NYX: variants seen among roughly 807,000 people sequenced by gnomAD.
NYX encodes the protein leucine-rich repeat protein.
For missense variants in NYX, 481 were observed against 485.4 expected (o/e 0.99, Z 0.09); for synonymous variants, 258 against 245.7 (o/e 1.05, Z -0.47).
intron 2 of NYX, among the ~76,000 whole-genome samples, chrX:41,468,836 T>A (rs1429799535): frequency 9.0e-6 from 1 of 111,603 alleles, no homozygotes; most frequent in Non-Finnish European, 1.9e-5. Flanking sequence ...AAAAAGGTTC[T>A]GCCTCTTTCC....
At chrX:41,470,963 G>T (rs754370760) in intron 2 of NYX, among the ~76,000 whole-genome samples, 201 of 110,983 alleles carry the variant, frequency 1.8e-3, no homozygotes, top group Non-Finnish European at 3.4e-3. Context: ...TGAGGGTGGG[G>T]CTGCTATTTC....
chrX:41,448,976 A>T (rs921863807), intron 2 of NYX, among the ~76,000 whole-genome samples: 1 of 111,965 alleles, frequency 8.9e-6, no homozygotes, highest in Non-Finnish European at 1.9e-5. Context: ...GAATTATAGG[A>T]TTATGGATAT....
chrX:41,462,111 CAT>C (rs932856582), intron 2 of NYX, among the ~76,000 whole-genome samples: 3 of 112,078 alleles, frequency 2.7e-5, no homozygotes, highest in African/African-American at 9.7e-5. Flanking sequence ...AGCATTTTTT[CAT>C]GTTTCTTGGC....
chrX:41,451,146 A>G (rs1263810986), intron 2 of NYX, among the ~76,000 whole-genome samples: 1 of 111,425 alleles, frequency 9.0e-6, no homozygotes, highest in Non-Finnish European at 1.9e-5. Context: ...AATGGCTACA[A>G]TTTAAAACAC....
chrX:41,456,918 ACT>A (rs1395402598), intron 2 of NYX, among the ~76,000 whole-genome samples: 1 of 110,808 alleles, frequency 9.0e-6, no homozygotes, highest in Non-Finnish European at 1.9e-5. Context: ...ATTGAACCCA[ACT>A]CCCCAAGATG....
intron 2 of NYX, among the ~76,000 whole-genome samples, chrX:41,448,675 C>G (rs1415199684): frequency 9.3e-6 from 1 of 107,442 alleles, no homozygotes; most frequent in African/African-American, 3.4e-5. Context: ...TCTCGTGCCT[C>G]AGCCTCCTGA....
At chrX:41,466,722 G>T (rs1471829493) in intron 2 of NYX, among the ~76,000 whole-genome samples, 2 of 103,371 alleles carry the variant, frequency 1.9e-5, no homozygotes, top group African/African-American at 7.2e-5. Context: ...ACCATGCCTG[G>T]CTAATTTTTT....
chrX:41,461,467 C>A (rs1981733524), intron 2 of NYX, among the ~76,000 whole-genome samples: 1 of 108,746 alleles, frequency 9.2e-6, no homozygotes, highest in African/African-American at 3.4e-5. Context: ...CATATTTTTG[C>A]AATTGCGAAT....
chrX:41,449,086 T>C (rs2064270008), intron 2 of NYX, among the ~76,000 whole-genome samples: 2 of 112,068 alleles, frequency 1.8e-5, no homozygotes, highest in African/African-American at 6.5e-5. Context: ...TGTTCCAATC[T>C]GACTGAGATA....
At chrX:41,452,233 A>G (rs985828955) in intron 2 of NYX, among the ~76,000 whole-genome samples, 3 of 111,674 alleles carry the variant, frequency 2.7e-5, no homozygotes, top group African/African-American at 9.8e-5. Context: ...TCGGCCTCCC[A>G]AAGTGCTGGG....
chrX:41,461,404 T>C (rs905799427), intron 2 of NYX, among the ~76,000 whole-genome samples: 7 of 104,863 alleles, frequency 6.7e-5, no homozygotes, highest in East Asian at 3.1e-4. Context: ...TATATATATA[T>C]ACACCACAGT....
chrX:41,472,504 G>A (rs2064365624), intron 2 of NYX: 8 of 650,641 alleles, frequency 1.2e-5, no homozygotes, highest in Non-Finnish European at 1.2e-5. Flanking sequence ...GGGATTCCAA[G>A]GATTCTTGAG....
Position 41,473,513 on chromosome X carries a change from C to A in NYX, c.45C>A (p.Ser15Arg), listed in dbSNP as rs1390602448. The change falls in exon 3 of 3, where the codon AGC becomes AGA. Residue 15 changes from serine (S) to arginine (R), a missense_variant. Coordinates refer to ENST00000378220, the MANE Select transcript of NYX (RefSeq NM_001378477.3). ...CAGCGGTGGTCCTCGGCCTGCCCAG[C>A]GCCTGGGCCGTGGGGGCCTGCGCCC... is the stretch of plus-strand genomic sequence containing the variant. ...LLHAVVLGLP[S>R]AWAVGACARA... The A allele has an allele frequency of 1.0e-6, 1 of 990,000 alleles. No individual in the cohort carries two copies. Among genetic ancestry groups the A allele is most frequent in the Non-Finnish European group, 1.3e-6 (1 of 785,049 alleles). 81.6% of individuals were successfully genotyped at this position (990,000 alleles called of 1,213,427 possible). A position where few individuals can be genotyped will look rare whatever the true frequency, so the allele number is the denominator to read the frequency against.
rs183131007 is a variant in NYX at position 41,465,642 on chromosome X, C to T, written c.23-7849C>T. On this transcript the variant is annotated intron_variant, in intron 2 of 2. Coordinates refer to ENST00000378220, the MANE Select transcript of NYX (RefSeq NM_001378477.3). The stretch of plus-strand genomic sequence containing the variant: ...CCTGTAGTCCCAGCTACCTGCCCCC[C>T]GAGTAGCTGGGACTACAGGTGCCTG... Among the ~76,000 whole-genome samples the T allele has an allele frequency of 6.3e-3, 655 of 104,353 alleles. 7 individuals carry two copies. Among genetic ancestry groups the T allele is most frequent in the African/African-American group, 0.022 (640 of 28,765 alleles). 90.6% of individuals were successfully genotyped at this position (104,353 alleles called of 115,157 possible). A position where few individuals can be genotyped will look rare whatever the true frequency, so the allele number is the denominator to read the frequency against.
chrX:41,462,434 TG>T (rs2064323553), intron 2 of NYX, among the ~76,000 whole-genome samples: 2 of 112,488 alleles, frequency 1.8e-5, no homozygotes, highest in African/African-American at 6.5e-5. Flanking sequence ...CAGTCCCACC[TG>T]TTCCACATGT....
chrX:41,472,412 G>A lies in NYX; in HGVS notation c.23-1079G>A, dbSNP rs1168413942. 1.5e-5 allele frequency: 17 copies of A among 1,155,288 alleles called. No individual in the cohort carries two copies. In the East Asian group the frequency reaches 4.5e-4, roughly 30 times the overall value. Reference sequence around the variant, plus strand: ...GGCCACACGCACACCCTCGTGCAATGTGAAGCTCACCTGATGACTCACCAT... The same window carrying A: ...GGCCACACGCACACCCTCGTGCAATATGAAGCTCACCTGATGACTCACCAT... On this transcript the variant is annotated intron_variant, in intron 2 of 2. Coordinates refer to ENST00000378220, the MANE Select transcript of NYX (RefSeq NM_001378477.3).
intron 2 of NYX, among the ~76,000 whole-genome samples, chrX:41,456,764 T>C (rs1375419149): frequency 9.0e-6 from 1 of 111,524 alleles, no homozygotes. Flanking sequence ...AGAAAGAGAG[T>C]TTCCGGCTTC....
chrX:41,461,487 A>G (rs1230303359), intron 2 of NYX, among the ~76,000 whole-genome samples: 2 of 109,640 alleles, frequency 1.8e-5, no homozygotes, highest in African/African-American at 6.7e-5. Context: ...TTGTGCTGCT[A>G]TAAACGTGCG....
chrX:41,451,439 C>A (rs1294650000), intron 2 of NYX, among the ~76,000 whole-genome samples: 1 of 111,786 alleles, frequency 8.9e-6, no homozygotes. Flanking sequence ...TACTGCTCAG[C>A]AATAGAAAGG....
Sources: allele counts gnomAD v4.1 joint callset (sites outside exome capture counted in the v4.1 genomes callset), GRCh38; gene constraint gnomAD v4.1.1; transcripts MANE v1.5; gene names NCBI Gene and HGNC (gene_info 2026-07-23, HGNC 2026-07-21).